AJAP1: variants seen among roughly 807,000 people sequenced by gnomAD.
The protein encoded by AJAP1 is adherens junction-associated protein 1.
AJAP1 carries 5 observed loss-of-function variants against 35.0 expected under a neutral mutation model. That is an observed-to-expected ratio of 0.14 (90% CI 0.07 to 0.30). The LOEUF (loss-of-function observed/expected upper bound fraction) is 0.30. AJAP1 is among the 10% of genes least tolerant of loss of function. The probability of loss-of-function intolerance (pLI) is 1.00; values close to 1 mark genes in which losing one functional copy is unlikely to be tolerated. For synonymous variants in AJAP1, 284 were observed against 249.3 expected, an observed-to-expected ratio of 1.14 and a Z score of -1.31; for missense variants, 586 against 571.0, an observed-to-expected ratio of 1.03 and a Z score of -0.27.
At chr1:4,746,287 C>T (rs1641186712) in intron 2 of AJAP1, among the ~76,000 whole-genome samples, 1 of 152,128 alleles carries the variant, frequency 6.6e-6, no homozygotes, top group Non-Finnish European at 1.5e-5. Context: ...TATAAGGACA[C>T]TTGTCATTGG....
chr1:4,691,455 C>T (rs943310373), intron 1 of AJAP1, among the ~76,000 whole-genome samples: 2 of 152,202 alleles, frequency 1.3e-5, no homozygotes, highest in Admixed American at 6.5e-5. Flanking sequence ...GTATCTCTGC[C>T]GCCTGCTGGC....
At chr1:4,661,805 A>G (rs1355763946) in intron 1 of AJAP1, among the ~76,000 whole-genome samples, 6 of 152,234 alleles carry the variant, frequency 3.9e-5, no homozygotes, top group African/African-American at 1.4e-4. Flanking sequence ...TTATGGTCAA[A>G]TGACAGATTA....
chr1:4,779,767 C>T (rs1396423373), intron 5 of AJAP1, among the ~76,000 whole-genome samples: 1 of 151,984 alleles, frequency 6.6e-6, no homozygotes, highest in Non-Finnish European at 1.5e-5. Flanking sequence ...TGTAGGGTCT[C>T]GAAGCCTAGC....
chr1:4,781,212 G>A (rs1338901742), intron 5 of AJAP1, among the ~76,000 whole-genome samples: 2 of 152,144 alleles, frequency 1.3e-5, no homozygotes, highest in Non-Finnish European at 2.9e-5. Context: ...GTCCCACCTG[G>A]GGCCCCTCCT....
chr1:4,684,093 G>A (rs1181243984), intron 1 of AJAP1, among the ~76,000 whole-genome samples: 2 of 152,196 alleles, frequency 1.3e-5, no homozygotes, highest in East Asian at 3.9e-4. Flanking sequence ...CTGGGTTGGT[G>A]CATCTGGGCT....
chr1:4,771,290 TG>T (rs1319362400), intron 3 of AJAP1, among the ~76,000 whole-genome samples: 3 of 152,258 alleles, frequency 2.0e-5, no homozygotes, highest in East Asian at 3.9e-4. Context: ...CCTTGGTGTA[TG>T]GGGTAGGGGG....
intron 2 of AJAP1, among the ~76,000 whole-genome samples, chr1:4,740,956 A>C (rs560384656): frequency 6.6e-6 from 1 of 151,990 alleles, no homozygotes; most frequent in Non-Finnish European, 1.5e-5. Context: ...CCTCACGAAG[A>C]CTTGGGGCCA....
rs1325913256 is a variant in AJAP1 at position 4,783,688 on chromosome 1, C to CCCCT, written c.*1204_*1207dup. 6.6e-6 allele frequency: 1 copy of CCCCT among 151,230 alleles called. No individual in the cohort carries two copies. The highest frequency in any genetic ancestry group is 1.9e-4 in the East Asian group (1 of 5,156). 9.4% of individuals were successfully genotyped at this position (151,230 alleles called of 1,614,324 possible). On this transcript the variant is annotated 3_prime_UTR_variant, in exon 6 of 6. Transcript: ENST00000378191. The stretch of plus-strand genomic sequence containing the variant: ...CTGGTTGCTTACAAACGGGCCTGAG[C>CCCCT]CCCTGGTTGGGTGGGTGGTGGATTC...
At chr1:4,682,989 T>C (rs1639521132) in intron 1 of AJAP1, among the ~76,000 whole-genome samples, 1 of 152,220 alleles carries the variant, frequency 6.6e-6, no homozygotes, top group Non-Finnish European at 1.5e-5. Flanking sequence ...GCTATGTCAG[T>C]CCAGGCCCCA....
At chr1:4,711,702 G>A (rs1481997157) in intron 1 of AJAP1, among the ~76,000 whole-genome samples, 198 bp from the exon 2 acceptor site, 2 of 152,180 alleles carry the variant, frequency 1.3e-5, no homozygotes, top group Non-Finnish European at 2.9e-5. Flanking sequence ...CTCGCAGCGC[G>A]CGCTGTTCTT....
chr1:4,691,054 C>T (rs973571123), intron 1 of AJAP1, among the ~76,000 whole-genome samples: 9 of 152,122 alleles, frequency 5.9e-5, no homozygotes, highest in African/African-American at 2.2e-4. Context: ...GGCCACTGAG[C>T]GAGATTCCAA....
intron 2 of AJAP1, among the ~76,000 whole-genome samples, chr1:4,713,579 C>A (rs1640318109): frequency 6.6e-6 from 1 of 152,248 alleles, no homozygotes; most frequent in African/African-American, 2.4e-5. Context: ...TGTCACCAGG[C>A]TTCACAGCAG....
intron 2 of AJAP1, among the ~76,000 whole-genome samples, chr1:4,759,994 C>T (rs1002494656): frequency 6.6e-6 from 1 of 152,154 alleles, no homozygotes; most frequent in African/African-American, 2.4e-5. Context: ...TAGCATGCAG[C>T]GAGGCCGACT....
At chr1:4,779,535 G>A (rs750715305) in intron 5 of AJAP1, among the ~76,000 whole-genome samples, 5 of 151,994 alleles carry the variant, frequency 3.3e-5, no homozygotes, top group South Asian at 2.1e-4. Context: ...CTGCTCCTCC[G>A]GCCTTTATTC....
intron 2 of AJAP1, among the ~76,000 whole-genome samples, chr1:4,726,376 C>T (rs1360348541): frequency 6.6e-6 from 1 of 152,140 alleles, no homozygotes; most frequent in Non-Finnish European, 1.5e-5. Flanking sequence ...AGGGAGAACC[C>T]TTGAATAATG....
rs774907745 is a variant in AJAP1 at position 4,711,931 on chromosome 1, C to A, written c.61C>A (p.Leu21Ile). Reference protein sequence around the residue: ...SMSIRWPGRPLGSHAWILIAM... With the variant: ...SMSIRWPGRPIGSHAWILIAM... ...GTCCATCCGCTGGCCGGGCCGCCCC[C>A]TCGGAAGCCATGCCTGGATACTGAT... is the stretch of plus-strand genomic sequence containing the variant. Residue 21 changes from leucine to isoleucine, a missense_variant, in exon 2 of 6, where the codon CTC (leucine) becomes ATC (isoleucine). Transcript: ENST00000378191. 1.3e-6 allele frequency: 2 copies of A among 1,535,000 alleles called. No homozygotes were observed. Among genetic ancestry groups the A allele is most frequent in the Non-Finnish European group, 8.7e-7 (1 of 1,147,406 alleles).
chr1:4,748,162 C>T (rs769510747), intron 2 of AJAP1, among the ~76,000 whole-genome samples: 4 of 152,128 alleles, frequency 2.6e-5, no homozygotes, highest in Non-Finnish European at 5.9e-5. Context: ...CTCATCCTCG[C>T]CCCTGCATCC....
chr1:4,744,874 G>A (rs533171933), intron 2 of AJAP1, among the ~76,000 whole-genome samples: 2 of 152,140 alleles, frequency 1.3e-5, no homozygotes, highest in Non-Finnish European at 2.9e-5. Flanking sequence ...GACAAGCAGA[G>A]GACACACACC....
chr1:4,662,046 T>TTG (rs3086604), intron 1 of AJAP1, among the ~76,000 whole-genome samples: 29,873 of 150,978 alleles, frequency 0.2, 3,077 homozygotes, highest in East Asian at 0.32. Context: ...CCCTTTATAT[T>TTG]TGTGTGTGTG....
Sources: gnomAD v4.1 joint callset for allele counts (sites outside exome capture counted in the v4.1 genomes callset) on GRCh38, gnomAD v4.1.1 for gene constraint, MANE v1.5 for transcripts, NCBI Gene and HGNC (gene_info 2026-07-23, HGNC 2026-07-21) for gene names.